The following IGSF9B variants were observed in gnomAD, a reference collection of about 807,000 sequenced individuals.
IGSF9B encodes immunoglobulin superfamily member 9B, also known as protein turtle homolog B.
A neutral mutation model predicts 143.7 loss-of-function variants in IGSF9B; 48 were observed. The observed-to-expected ratio is 0.33, with a 90% CI of 0.26 to 0.42. The LOEUF (loss-of-function observed/expected upper bound fraction) is 0.42. Among genes scored for constraint, IGSF9B ranks in the 20% least tolerant of loss-of-function variants. The pLI, the probability that IGSF9B is intolerant of heterozygous loss-of-function variation, is 1.00. For missense variants in IGSF9B, 1,706 were observed against 1,980.0 expected, an observed-to-expected ratio of 0.86 and a Z score of 2.63; for synonymous variants, 903 against 833.1, an observed-to-expected ratio of 1.08 and a Z score of -1.44.
In IGSF9B at chr11:133,931,593, C is replaced by A. The variant is rs1369649706; in HGVS notation, c.1252-24G>T. 4 of 1,610,968 alleles carry A rather than the reference C, an allele frequency of 2.5e-6. No homozygotes were observed. In the African/African-American group the frequency reaches 4.0e-5, roughly 16 times the overall value. Reference sequence around the variant, plus strand: ...TCCTGGGGAGGAAAGCACAGGCACCCTCGTGAGGCCGGGGATCCAGGTGCC... The same window carrying A: ...TCCTGGGGAGGAAAGCACAGGCACCATCGTGAGGCCGGGGATCCAGGTGCC... On this transcript the variant is annotated intron_variant, in intron 9 of 19. Coordinates refer to ENST00000533871, the MANE Select transcript of IGSF9B (RefSeq NM_001277285.4). This position sits in a 1 kb window ranked among gnomAD's most constrained non-coding sequence, Gnocchi z 7.7.
chr11:133,906,425 T>C lies in IGSF9B; in HGVS notation c.*2644A>G, dbSNP rs1939211100. 6.6e-6 allele frequency among the ~76,000 whole-genome samples: 1 copy of C among 152,164 alleles called. No homozygotes were observed. The highest frequency in any genetic ancestry group is 1.5e-5 in the Non-Finnish European group (1 of 68,032). On this transcript the variant is annotated 3_prime_UTR_variant, in exon 20 of 20. Coordinates refer to ENST00000533871, the MANE Select transcript of IGSF9B (RefSeq NM_001277285.4). ...GGGAGCTGAATGAGTGGCAGGCCAC[T>C]GAGAGATGGGCAGACCTGACGTCCT...
At chr11:133,934,551 A>G (rs1026473398) in intron 7 of IGSF9B, among the ~76,000 whole-genome samples, 14 of 152,232 alleles carry the variant, frequency 9.2e-5, no homozygotes, top group Non-Finnish European at 2.1e-4. Context: ...AAGTCCTTTA[A>G]GTGGCTGACG....
intron 15 of IGSF9B, 82 bp from the exon 16 acceptor site, chr11:133,922,812 C>T: frequency 7.6e-7 from 1 of 1,323,448 alleles, no homozygotes. Context: ...CCAAGTGTTT[C>T]ACCCTGCCTT....
At chr11:133,937,340 G>T in intron 5 of IGSF9B, 36 bp downstream of exon 5, 2 of 1,492,128 alleles carry the variant, frequency 1.3e-6, no homozygotes, top group Non-Finnish European at 1.9e-6. Flanking sequence ...CCCCGCGGGA[G>T]CCCAGGGTTA....
chr11:133,902,734 C>T lies in IGSF9B; in HGVS notation c.*6335G>A, dbSNP rs1939159136. Among the ~76,000 whole-genome samples, 1 of 152,184 alleles carries T rather than the reference C, an allele frequency of 6.6e-6. No individual in the cohort carries two copies. The highest frequency in any genetic ancestry group is 1.5e-5 in the Non-Finnish European group (1 of 68,022). On this transcript the variant is annotated 3_prime_UTR_variant, in exon 20 of 20. Coordinates refer to ENST00000533871, the MANE Select transcript of IGSF9B (RefSeq NM_001277285.4). ...TGCCAGGACACCGTCGGCCATGGCA[C>T]ACCTCTCGTTGTTCATGGGAGGCCA...
rs947931976 is a variant in IGSF9B at position 133,909,040 on chromosome 11, G to T, written c.*29C>A. 7.2e-6 allele frequency: 11 copies of T among 1,524,518 alleles called. No homozygotes were observed. The Admixed American group carries it at 9.8e-5, about 14-fold the overall frequency. 94.4% of individuals were successfully genotyped at this position (1,524,518 alleles called of 1,614,324 possible). Reference sequence around the variant, plus strand: ...CTCCCTGCCTGAGCCCAGCAACCTCGCCCCGGGGACACCTAGAGTGGGGTG... The same window carrying T: ...CTCCCTGCCTGAGCCCAGCAACCTCTCCCCGGGGACACCTAGAGTGGGGTG... On this transcript the variant is annotated 3_prime_UTR_variant, in exon 20 of 20. Coordinates refer to ENST00000533871, the MANE Select transcript of IGSF9B (RefSeq NM_001277285.4). The surrounding 1 kb of genome is among the most constrained non-coding windows in gnomAD (Gnocchi z 4.2).
intron 1 of IGSF9B, among the ~76,000 whole-genome samples, chr11:133,954,213 C>G (rs746476129): frequency 1.3e-5 from 2 of 152,206 alleles, no homozygotes; most frequent in African/African-American, 2.4e-5. Flanking sequence ...TCTCCAGAGG[C>G]TGTGTGTTGC....
At chr11:133,924,758 C>A (rs754378806) in intron 15 of IGSF9B, 62 bp downstream of exon 15, 1 of 1,343,062 alleles carries the variant, frequency 7.4e-7, no homozygotes, top group East Asian at 2.3e-5. Flanking sequence ...CACAAAATGA[C>A]CCCCATGCAG....
chr11:133,911,737 C>T, intron 19 of IGSF9B, 149 bp downstream of exon 19: 2 of 560,648 alleles, frequency 3.6e-6, no homozygotes, highest in Non-Finnish European at 5.5e-6. Flanking sequence ...AAACAAAGGA[C>T]AAGAGAAGCT....
Position 133,921,184 on chromosome 11 carries a change from G to A in IGSF9B, c.2541C>T (p.Ile847=), listed in dbSNP as rs758112723. The A allele has an allele frequency of 1.7e-5, 27 of 1,609,088 alleles. No individual in the cohort carries two copies. Among genetic ancestry groups the A allele is most frequent in the Admixed American group, 1.5e-4 (9 of 59,926 alleles). Residue 847 remains isoleucine, a synonymous_variant, in exon 18 of 20, where the codon ATC becomes ATT. Transcript: ENST00000533871. The part of the protein sequence containing the change: ...AEAEAEATTP[I]ELISRGPDGR... Reference sequence around the variant, plus strand: ...CGTCAGGGCCTCTGCTGATGAGCTCGATGGGCGTGGTGGCCTCTGCCTCGG... The same window carrying A: ...CGTCAGGGCCTCTGCTGATGAGCTCAATGGGCGTGGTGGCCTCTGCCTCGG...
At chr11:133,954,830 C>T (rs2121355252) in intron 1 of IGSF9B, among the ~76,000 whole-genome samples, 1 of 152,286 alleles carries the variant, frequency 6.6e-6, no homozygotes, top group Admixed American at 6.5e-5. Context: ...GACAGGGGTA[C>T]ATGTCCAGCC....
chr11:133,931,007 G>A lies in IGSF9B; in HGVS notation c.1496C>T (p.Ala499Val), dbSNP rs1434170126. 1 of 1,613,002 alleles carries A rather than the reference G, an allele frequency of 6.2e-7. No homozygotes were observed. Among genetic ancestry groups the A allele is most frequent in the Non-Finnish European group, 8.5e-7 (1 of 1,179,488 alleles). Reference sequence around the variant, plus strand: ...ACCGATGACGGTGAGGTGGGTGCTGGCAGTGATGCTCGTGACCACGTTGGT... The same window carrying A: ...ACCGATGACGGTGAGGTGGGTGCTGACAGTGATGCTCGTGACCACGTTGGT... ...VATNVVTSIT[A>V]STHLTVIGTS... The change falls in exon 11 of 20, where the codon GCC becomes GTC. Residue 499 changes from alanine (A) to valine (V), a missense_variant. Physicochemically the swap from Ala to Val is moderately conservative, Grantham distance 64. Coordinates refer to ENST00000533871, the MANE Select transcript of IGSF9B (RefSeq NM_001277285.4). This position sits in a 1 kb window ranked among gnomAD's most constrained non-coding sequence, Gnocchi z 7.7.
intron 12 of IGSF9B, 57 bp downstream of exon 12, chr11:133,929,614 C>T (rs570289571): frequency 4.3e-4 from 562 of 1,299,328 alleles, no homozygotes; most frequent in Non-Finnish European, 5.5e-4. Context: ...GCAGGAAGAC[C>T]GGGGAGGGGA....
Position 133,897,809 on chromosome 11 carries a change from C to G in IGSF9B, c.*11260G>C, listed in dbSNP as rs774876595. The G allele has an allele frequency of 6.6e-6, 1 of 152,218 alleles. No homozygotes were observed. Among genetic ancestry groups the G allele is most frequent in the Non-Finnish European group, 1.5e-5 (1 of 68,042 alleles). The allele number at this position is 152,218 out of a possible 1,614,324, so 9.4% of individuals were successfully genotyped here. ...ATTCAAGTTCACACTCAAAGGTGTT[C>G]TGTGTGCAGCTGTACAATTTGTTGG... On this transcript the variant is annotated 3_prime_UTR_variant, in exon 20 of 20. Transcript: ENST00000533871.
In IGSF9B at chr11:133,920,480, G is replaced by A. The variant is rs1255662762; in HGVS notation, c.3245C>T (p.Pro1082Leu). 1.3e-6 allele frequency: 2 copies of A among 1,575,040 alleles called. No homozygotes were observed. Among genetic ancestry groups the A allele is most frequent in the Non-Finnish European group, 1.7e-6 (2 of 1,159,580 alleles). ...PKAGLPRGLPPTSLQVPAAYP... is the reference protein window; with the variant it reads ...PKAGLPRGLPLTSLQVPAAYP... ...GGCCGCGGGCACCTGCAGGGAGGTG[G>A]GGGGCAGTCCTCGGGGGAGGCCGGC... Residue 1082 changes from proline to leucine, a missense_variant, in exon 18 of 20, where the codon CCC becomes CTC. Transcript: ENST00000533871.
intron 19 of IGSF9B, among the ~76,000 whole-genome samples, chr11:133,911,067 C>A (rs1327142098): frequency 1.3e-5 from 2 of 152,170 alleles, no homozygotes; most frequent in South Asian, 2.1e-4. Flanking sequence ...CTCCCATAAT[C>A]CTGTCTATAA....
intron 1 of IGSF9B, among the ~76,000 whole-genome samples, chr11:133,955,970 G>A (rs1387037774): frequency 2.6e-5 from 4 of 152,022 alleles, no homozygotes; most frequent in Non-Finnish European, 5.9e-5. Flanking sequence ...GGCCCGCGCG[G>A]CTGCGGCGCG....
chr11:133,919,487 C>A (rs983909945), intron 18 of IGSF9B, among the ~76,000 whole-genome samples: 1 of 152,226 alleles, frequency 6.6e-6, no homozygotes, highest in African/African-American at 2.4e-5. Flanking sequence ...GTGGTGCGCC[C>A]GCCGAGAGCT....
At chr11:133,918,812 G>GAC (rs879832148) in intron 18 of IGSF9B, among the ~76,000 whole-genome samples, 1,602 of 141,490 alleles carry the variant, frequency 0.011, 10 homozygotes, top group Non-Finnish European at 0.017. Flanking sequence ...CAGAGAGAGA[G>GAC]AGAGAGAGAA....
Sources: gnomAD v4.1 joint callset for allele counts (sites outside exome capture counted in the v4.1 genomes callset) on GRCh38, gnomAD v4.1.1 for gene constraint, Gnocchi (gnomAD v3.1) non-coding constraint, MANE v1.5 for transcripts, NCBI Gene and HGNC (gene_info 2026-07-23, HGNC 2026-07-21) for gene names.